The following AGAP1 variants were observed in gnomAD, a reference collection of about 807,000 sequenced individuals.
The protein encoded by AGAP1 is ArfGAP with GTPase domain, ankyrin repeat and PH domain 1.
A neutral mutation model predicts 105.3 loss-of-function variants in AGAP1; 29 were observed. That is an observed-to-expected ratio of 0.28 (90% CI 0.21 to 0.38). The LOEUF (loss-of-function observed/expected upper bound fraction) is 0.38. AGAP1 is among the 10% of genes least tolerant of loss of function. The probability of loss-of-function intolerance (pLI) is 1.00; values close to 1 mark genes in which losing one functional copy is unlikely to be tolerated. For synonymous variants in AGAP1, 509 were observed against 485.9 expected (o/e 1.05, Z -0.63); for missense variants, 998 against 1,165.1 (o/e 0.86, Z 2.09).
In AGAP1 at chr2:235,662,666, C is replaced by T. The variant is rs189594385; in HGVS notation, c.164-46513C>T. Among the ~76,000 whole-genome samples, 121 of 152,128 alleles carry T rather than the reference C, an allele frequency of 8.0e-4. No individual in the cohort carries two copies. Among genetic ancestry groups the T allele is most frequent in the African/African-American group, 2.7e-3 (114 of 41,508 alleles). Reference sequence around the variant, plus strand: ...GGATTACAGGTGTGTGCCACCACACCTGGCCGAAGTTGGTGATTTTGAACA... The same window carrying T: ...GGATTACAGGTGTGTGCCACCACACTTGGCCGAAGTTGGTGATTTTGAACA... On this transcript the variant is annotated intron_variant, in intron 1 of 17. Coordinates refer to ENST00000304032, the MANE Select transcript of AGAP1 (RefSeq NM_001037131.3). This position sits in a 1 kb window ranked among gnomAD's most constrained non-coding sequence, Gnocchi z 4.2.
At position 235,833,855 on chromosome 2, in the gene AGAP1, GT is replaced by G. The variant is rs77488721; in HGVS notation, c.1050+26543del. ...CATCTCACTCCAATCCTCCAATCTG[GT>G]TTTTTTTTTTTTTTTTTTAAAGCTC... On this transcript the variant is annotated intron_variant, in intron 9 of 17. Coordinates refer to ENST00000304032, the MANE Select transcript of AGAP1 (RefSeq NM_001037131.3). Among the ~76,000 whole-genome samples the G allele has an allele frequency of 6.7e-3, 838 of 124,900 alleles. 6 individuals are homozygous for G. The highest frequency in any genetic ancestry group is 0.021 in the African/African-American group (620 of 29,682). The allele number at this position is 124,900 out of a possible 152,430, so 81.9% of individuals were successfully genotyped here. A position where few individuals can be genotyped will look rare whatever the true frequency, so the allele number is the denominator to read the frequency against.
rs1326995631 is a variant in AGAP1, at chr2:235,893,320, C to G, written c.1155+9871C>G. On this transcript the variant is annotated intron_variant, in intron 10 of 17. Transcript: ENST00000304032. The surrounding 1 kb of genome is among the most constrained non-coding windows in gnomAD (Gnocchi z 4.7). ...TGTCTGTGGCGCAGGTGTGCCGTGT[C>G]TGTGGCATGGGTGTGGCTTGTCTGT... 6.6e-6 allele frequency among the ~76,000 whole-genome samples: 1 copy of G among 150,582 alleles called. No individual in the cohort carries two copies. The highest frequency in any genetic ancestry group is 2.4e-5 in the African/African-American group (1 of 40,888).
intron 1 of AGAP1, among the ~76,000 whole-genome samples, chr2:235,545,574 C>A (rs1257976945): frequency 6.6e-6 from 1 of 152,338 alleles, no homozygotes; most frequent in East Asian, 1.9e-4. Context: ...GAGTCATTTG[C>A]TCTTTCTGAA....
At chr2:235,947,131 A>G (rs925657678) in intron 12 of AGAP1, among the ~76,000 whole-genome samples, 1 of 151,902 alleles carries the variant, frequency 6.6e-6, no homozygotes, top group South Asian at 2.1e-4. Flanking sequence ...GGTTACATGG[A>G]TCAGTTCTTT....
At position 235,811,998 on chromosome 2, in the gene AGAP1, G is replaced by A. The variant is rs191784467; in HGVS notation, c.1050+4667G>A. ...ACAGCTGCGGTGGTCACATGCTGGGGATCCTTTTCTTGCAGGCCACCCACT... is the reference window on the plus strand; with the variant it reads ...ACAGCTGCGGTGGTCACATGCTGGGAATCCTTTTCTTGCAGGCCACCCACT... On this transcript the variant is annotated intron_variant, in intron 9 of 17. Coordinates refer to ENST00000304032, the MANE Select transcript of AGAP1 (RefSeq NM_001037131.3). Among the ~76,000 whole-genome samples the A allele has an allele frequency of 6.4e-3, 977 of 152,238 alleles. 8 individuals are homozygous for A. Among genetic ancestry groups the A allele is most frequent in the Non-Finnish European group, 9.4e-3 (638 of 68,026 alleles).
At position 235,559,048 on chromosome 2, in the gene AGAP1, A is replaced by G. The variant is rs2149131455; in HGVS notation, c.163+64199A>G. Among the ~76,000 whole-genome samples, 1 of 152,122 alleles carries G rather than the reference A, an allele frequency of 6.6e-6. No individual in the cohort carries two copies. Among genetic ancestry groups the G allele is most frequent in the East Asian group, 1.9e-4 (1 of 5,166 alleles). ...AGAAATTCTCCCACCTCAGCCTCCT[A>G]GGTAGCTGAGACTACAGGCATGCGC... On this transcript the variant is annotated intron_variant, in intron 1 of 17. Coordinates refer to ENST00000304032, the MANE Select transcript of AGAP1 (RefSeq NM_001037131.3). The surrounding 1 kb of genome is among the most constrained non-coding windows in gnomAD (Gnocchi z 5.7).
In AGAP1 at chr2:235,633,027, C is replaced by T. The variant is rs565396479; in HGVS notation, c.164-76152C>T. 2.0e-5 allele frequency among the ~76,000 whole-genome samples: 3 copies of T among 152,146 alleles called. No homozygotes were observed. In the South Asian group the frequency reaches 6.3e-4, roughly 32 times the overall value. On this transcript the variant is annotated intron_variant, in intron 1 of 17. Transcript: ENST00000304032. This position sits in a 1 kb window ranked among gnomAD's most constrained non-coding sequence, Gnocchi z 4.8. ...AGCCCGTGGTGCAGCCTCTGAACCCCCGACTCTTGGTGGGCTTTTGAGTTC... is the reference window on the plus strand; with the variant it reads ...AGCCCGTGGTGCAGCCTCTGAACCCTCGACTCTTGGTGGGCTTTTGAGTTC...
rs973020908 is a variant in AGAP1 at position 235,615,378 on chromosome 2, C to T, written c.164-93801C>T. Among the ~76,000 whole-genome samples, 3 of 152,204 alleles carry T rather than the reference C, an allele frequency of 2.0e-5. No individual in the cohort carries two copies. The highest frequency in any genetic ancestry group is 2.0e-4 in the Admixed American group (3 of 15,276). On this transcript the variant is annotated intron_variant, in intron 1 of 17. Transcript: ENST00000304032. The surrounding 1 kb of genome is among the most constrained non-coding windows in gnomAD (Gnocchi z 5.0). The stretch of plus-strand genomic sequence containing the variant: ...CCAGTATTGTTACAATTGGAGTGAT[C>T]TCATATGACCAAAAGTTGGAATGAT...
intron 9 of AGAP1, among the ~76,000 whole-genome samples, chr2:235,848,717 C>G (rs956483355): frequency 6.6e-6 from 1 of 152,168 alleles, no homozygotes. Flanking sequence ...TTTTCCTCGT[C>G]CTTTTAACAG....
At chr2:235,885,486 C>T (rs967113081) in intron 10 of AGAP1, among the ~76,000 whole-genome samples, 3 of 152,314 alleles carry the variant, frequency 2.0e-5, no homozygotes, top group Non-Finnish European at 4.4e-5. Context: ...AATTGGCTTC[C>T]TGCGTTGAAG....
rs1415670046 is a variant in AGAP1 at position 236,000,821 on chromosome 2, T to C, written c.1645+32198T>C. Among the ~76,000 whole-genome samples the C allele has an allele frequency of 6.6e-6, 1 of 152,080 alleles. No individual in the cohort carries two copies. The highest frequency in any genetic ancestry group is 2.4e-5 in the African/African-American group (1 of 41,398). On this transcript the variant is annotated intron_variant, in intron 13 of 17. Transcript: ENST00000304032. The surrounding 1 kb of genome is among the most constrained non-coding windows in gnomAD (Gnocchi z 4.3). Reference sequence around the variant, plus strand: ...TGACAGCAAGAAGGAGCCCCACTTGTGCTGTTCTGTAAGGAGGGTCTTCCA... The same window carrying C: ...TGACAGCAAGAAGGAGCCCCACTTGCGCTGTTCTGTAAGGAGGGTCTTCCA...
In AGAP1 at chr2:235,792,769, T is replaced by A. The variant is rs926408018; in HGVS notation, c.674-4990T>A. 2.0e-5 allele frequency among the ~76,000 whole-genome samples: 3 copies of A among 152,144 alleles called. No individual in the cohort carries two copies. Among genetic ancestry groups the A allele is most frequent in the Non-Finnish European group, 4.4e-5 (3 of 68,026 alleles). On this transcript the variant is annotated intron_variant, in intron 6 of 17. Transcript: ENST00000304032. This position sits in a 1 kb window ranked among gnomAD's most constrained non-coding sequence, Gnocchi z 5.3. ...GAGGCCCAGGCTGGGCGGCGCGGAC[T>A]TGAAGGCGCCTCTAGCAGATCCAAG... is the stretch of plus-strand genomic sequence containing the variant.
chr2:235,974,807 C>G (rs1245886028), intron 13 of AGAP1, among the ~76,000 whole-genome samples: 1 of 152,198 alleles, frequency 6.6e-6, no homozygotes, highest in Non-Finnish European at 1.5e-5. Flanking sequence ...TTTATTCTTT[C>G]ATCAAATATG....
chr2:235,767,555 G>A (rs1451808639), intron 6 of AGAP1, among the ~76,000 whole-genome samples: 1 of 152,134 alleles, frequency 6.6e-6, no homozygotes, highest in Non-Finnish European at 1.5e-5. Context: ...GACACTCCTG[G>A]GAGCATGACG....
intron 12 of AGAP1, among the ~76,000 whole-genome samples, chr2:235,966,523 A>G (rs531655929): frequency 1.3e-5 from 2 of 152,222 alleles, no homozygotes; most frequent in East Asian, 3.9e-4. Context: ...GTGCGTCCAT[A>G]GGAAGCACCT....
intron 1 of AGAP1, among the ~76,000 whole-genome samples, chr2:235,584,595 A>G (rs1012834155): frequency 1.3e-5 from 2 of 151,744 alleles, no homozygotes; most frequent in Non-Finnish European, 2.9e-5. Context: ...TGTGCTAGGA[A>G]GAGGCAAGGA....
intron 6 of AGAP1, among the ~76,000 whole-genome samples, chr2:235,786,191 C>T (rs1411489326): frequency 6.6e-6 from 1 of 152,224 alleles, no homozygotes; most frequent in Non-Finnish European, 1.5e-5. Flanking sequence ...TATTCACTTG[C>T]CTCGTCTTGG....
At chr2:235,579,603 G>A (rs1326801249) in intron 1 of AGAP1, among the ~76,000 whole-genome samples, 4 of 152,010 alleles carry the variant, frequency 2.6e-5, no homozygotes, top group South Asian at 2.1e-4. Context: ...GTGAAACCCC[G>A]TCTCTACTAA....
At chr2:236,043,056 C>T (rs2057602551) in intron 15 of AGAP1, among the ~76,000 whole-genome samples, 1 of 152,176 alleles carries the variant, frequency 6.6e-6, no homozygotes, top group Non-Finnish European at 1.5e-5. Flanking sequence ...GTCCAGCCTG[C>T]TGTATTTTCT....
Sources: allele counts gnomAD v4.1 joint callset (sites outside exome capture counted in the v4.1 genomes callset), GRCh38; gene constraint gnomAD v4.1.1; non-coding constraint Gnocchi (gnomAD v3.1); transcripts MANE v1.5; gene names NCBI Gene and HGNC (gene_info 2026-07-23, HGNC 2026-07-21).